ACSM2B: variants seen among roughly 807,000 people sequenced by gnomAD.
ACSM2B encodes the protein acyl-CoA synthetase medium chain family member 2B.
In ACSM2B, 58 loss-of-function variants were observed where a neutral mutation model predicts 78.6. The ratio of observed to expected loss-of-function variants is 0.74; its 90% CI spans 0.60 to 0.92. The LOEUF (loss-of-function observed/expected upper bound fraction) is 0.92. ACSM2B is among the 40% of genes least tolerant of loss of function. ACSM2B has a pLI of 0.00. For missense variants in ACSM2B, 688 were observed against 711.2 expected, an observed-to-expected ratio of 0.97 and a Z score of 0.37; for synonymous variants, 257 against 256.8, an observed-to-expected ratio of 1.00 and a Z score of -0.01.
chr16:20,548,650 G>A (rs971114531), intron 6 of ACSM2B, among the ~76,000 whole-genome samples, 177 bp from the exon 7 acceptor site: 10 of 152,180 alleles, frequency 6.6e-5, no homozygotes, highest in South Asian at 2.1e-4. Context: ...CACCCTGAAG[G>A]CACAAATAAC....
intron 6 of ACSM2B, among the ~76,000 whole-genome samples, chr16:20,551,181 T>A (rs1323528427): frequency 6.6e-6 from 1 of 152,122 alleles, no homozygotes. Context: ...GATTAACTTA[T>A]GGGGGGCAGA....
intron 9 of ACSM2B, 99 bp downstream of exon 9, chr16:20,546,295 A>G: frequency 6.7e-7 from 1 of 1,482,030 alleles, no homozygotes; most frequent in Non-Finnish European, 9.0e-7. Context: ...TAATATCAGT[A>G]CTTTCTATTA....
At chr16:20,555,768 A>AC (rs2015455163) in intron 3 of ACSM2B, among the ~76,000 whole-genome samples, 1 of 152,050 alleles carries the variant, frequency 6.6e-6, no homozygotes, top group African/African-American at 2.4e-5. Context: ...ACCCACTCTC[A>AC]CCCCTCAAAA....
intron 13 of ACSM2B, among the ~76,000 whole-genome samples, chr16:20,537,749 T>C (rs1309537388): frequency 6.6e-6 from 1 of 152,172 alleles, no homozygotes; most frequent in African/African-American, 2.4e-5. Flanking sequence ...TAATAGCAAC[T>C]TCATTGGGTG....
chr16:20,564,831 T>C lies in ACSM2B; in HGVS notation c.15A>G (p.Arg5=). Residue 5 remains arginine (R), a synonymous_variant, in exon 2 of 14, where the codon CGA becomes CGG. Coordinates refer to ENST00000329697, the MANE Select transcript of ACSM2B (RefSeq NM_001105069.2). ...ACAGGGTGCAAAGTCCCTGAACTTT[T>C]CGCAGCCAATGCATGTTCAGGCCTG... MHWL[R]KVQGLCTLWG... The C allele has an allele frequency of 3.1e-6, 5 of 1,611,070 alleles. No homozygotes were observed. Among genetic ancestry groups the C allele is most frequent in the Non-Finnish European group, 4.2e-6 (5 of 1,178,082 alleles).
At chr16:20,544,790 G>A in intron 10 of ACSM2B, 2 of 993,506 alleles carry the variant, frequency 2.0e-6, no homozygotes, top group Non-Finnish European at 2.4e-6. Flanking sequence ...TGGCTCTAAA[G>A]AAGATCAACG....
chr16:20,553,648 C>A, intron 5 of ACSM2B, 129 bp downstream of exon 5: 1 of 1,429,268 alleles, frequency 7.0e-7, no homozygotes, highest in East Asian at 2.3e-5. Context: ...TCCTCTTTAG[C>A]TTTCCTTCTG....
intron 8 of ACSM2B, chr16:20,547,165 G>T (rs1171551297): frequency 9.2e-5 from 93 of 1,013,868 alleles, no homozygotes; most frequent in East Asian, 2.6e-4. Flanking sequence ...AGGGCAAGTT[G>T]ATTGACCCAC....
chr16:20,566,592 A>G (rs1413406037), intron 1 of ACSM2B, among the ~76,000 whole-genome samples: 3 of 93,366 alleles, frequency 3.2e-5, no homozygotes, highest in Non-Finnish European at 5.7e-5. Flanking sequence ...CTATAAATAT[A>G]TAATATGTAT....
At chr16:20,540,503 A>G (rs1567204152) in intron 13 of ACSM2B, 151 bp downstream of exon 13, 3 of 1,380,884 alleles carry the variant, frequency 2.2e-6, no homozygotes, top group South Asian at 1.4e-5. Flanking sequence ...TTGGCCTTCC[A>G]AAGTGCTGGG....
chr16:20,560,063 G>T (rs1350334224), intron 2 of ACSM2B, among the ~76,000 whole-genome samples: 2 of 150,646 alleles, frequency 1.3e-5, no homozygotes, highest in Non-Finnish European at 2.9e-5. Flanking sequence ...CAGTTCAGTG[G>T]CATTAAGTAC....
At chr16:20,547,486 A>T (rs2015175187) in intron 8 of ACSM2B, 1 of 975,420 alleles carries the variant, frequency 1.0e-6, no homozygotes, top group Non-Finnish European at 1.2e-6. Flanking sequence ...AAAGGAGAAG[A>T]AGAGTTGGGG....
chr16:20,555,330 T>C lies in ACSM2B; in HGVS notation c.535A>G (p.Ile179Val). 6.2e-7 allele frequency: 1 copy of C among 1,613,938 alleles called. No individual in the cohort carries two copies. The highest frequency in any genetic ancestry group is 8.5e-7 in the Non-Finnish European group (1 of 1,179,852). ...CTTTTCTCAGACACCAGTAGCTTAA[T>C]TCTCAGAGAAGGACATTCAGATGCC... ...TVASECPSLR[I>V]KLLVSEKSCD... Residue 179 changes from isoleucine to valine, a missense_variant, in exon 4 of 14, where the codon ATT becomes GTT. Ile to Val is a conservative substitution (Grantham distance 29). Coordinates refer to ENST00000329697, the MANE Select transcript of ACSM2B (RefSeq NM_001105069.2).
chr16:20,556,288 T>A (rs748618319), intron 3 of ACSM2B, among the ~76,000 whole-genome samples: 5 of 152,226 alleles, frequency 3.3e-5, no homozygotes, highest in Admixed American at 1.3e-4. Flanking sequence ...TCCTTTGATT[T>A]TTAAAATCTT....
chr16:20,552,358 C>A, intron 5 of ACSM2B, 61 bp from the exon 6 acceptor site: 2 of 1,558,790 alleles, frequency 1.3e-6, no homozygotes, highest in Middle Eastern at 1.7e-4. Context: ...ATGCGTGGGA[C>A]ACTAAGGTGT....
chr16:20,563,552 T>C (rs555054674), intron 2 of ACSM2B, among the ~76,000 whole-genome samples: 18 of 152,148 alleles, frequency 1.2e-4, no homozygotes, highest in Non-Finnish European at 1.5e-4. Context: ...TTCCTGAATA[T>C]TTAAAGGGCC....
chr16:20,554,899 A>G (rs2015421431), intron 4 of ACSM2B, among the ~76,000 whole-genome samples: 1 of 152,198 alleles, frequency 6.6e-6, no homozygotes, highest in South Asian at 2.1e-4. Context: ...TTACCATAGC[A>G]TGGAACTCTG....
chr16:20,552,061 A>T, intron 6 of ACSM2B, 83 bp downstream of exon 6: 2 of 1,524,086 alleles, frequency 1.3e-6, no homozygotes, highest in Non-Finnish European at 1.8e-6. Context: ...AAATTAGATG[A>T]ATTGAAACAA....
intron 2 of ACSM2B, among the ~76,000 whole-genome samples, chr16:20,559,921 T>A (rs58621128): frequency 6.6e-6 from 1 of 150,950 alleles, no homozygotes; most frequent in Non-Finnish European, 1.5e-5. Context: ...TTGTATACTC[T>A]TGAAAGAATT....
Sources: allele counts gnomAD v4.1 joint callset (sites outside exome capture counted in the v4.1 genomes callset), GRCh38; gene constraint gnomAD v4.1.1; transcripts MANE v1.5; gene names NCBI Gene and HGNC (gene_info 2026-07-23, HGNC 2026-07-21).